CHSY3: variants seen among roughly 807,000 people sequenced by gnomAD.
The protein encoded by CHSY3 is N-acetylgalactosaminyl-proteoglycan 3-beta-glucuronosyltransferase 3.
Under a neutral mutation model 67.2 loss-of-function variants are expected in CHSY3, and 35 were observed. That is an observed-to-expected ratio of 0.52 (90% confidence interval 0.40 to 0.69). The LOEUF (loss-of-function observed/expected upper bound fraction) is 0.69, where lower values mean the gene tolerates loss of function less well. Ranked by LOEUF, CHSY3 falls within the 30% of genes least tolerant of loss-of-function variation. The pLI is 0.00. For missense variants in CHSY3, 1,069 were observed against 1,138.5 expected (o/e 0.94, Z 0.88); for synonymous variants, 474 against 434.7 (o/e 1.09, Z -1.12).
chr5:130,174,366 A>G (rs1769983254), intron 2 of CHSY3, among the ~76,000 whole-genome samples: 1 of 151,992 alleles, frequency 6.6e-6, no homozygotes, highest in Non-Finnish European at 1.5e-5. Context: ...TCTTTACATA[A>G]GTAAATTAAG....
intron 2 of CHSY3, among the ~76,000 whole-genome samples, chr5:130,151,302 A>T (rs535690312): frequency 6.6e-6 from 1 of 152,214 alleles, no homozygotes; most frequent in Non-Finnish European, 1.5e-5. Flanking sequence ...TGAGGCCCAA[A>T]ATGCCACTTT....
At chr5:129,927,852 C>G (rs1761168032) in intron 2 of CHSY3, among the ~76,000 whole-genome samples, 1 of 151,406 alleles carries the variant, frequency 6.6e-6, no homozygotes, top group African/African-American at 2.4e-5. Context: ...TTTTCCATTT[C>G]TCCATATTAG....
chr5:129,989,599 A>T (rs1446466116), intron 2 of CHSY3, among the ~76,000 whole-genome samples: 1 of 152,172 alleles, frequency 6.6e-6, no homozygotes, highest in Non-Finnish European at 1.5e-5. Flanking sequence ...TTCAAAGGAC[A>T]CTTTCAGACC....
At chr5:130,087,397 T>C (rs1209000178) in intron 2 of CHSY3, among the ~76,000 whole-genome samples, 3 of 152,054 alleles carry the variant, frequency 2.0e-5, no homozygotes, top group Non-Finnish European at 4.4e-5. Flanking sequence ...GAAATAAAGG[T>C]ATTCAATTAG....
intron 2 of CHSY3, among the ~76,000 whole-genome samples, chr5:130,035,886 G>GTTTTTTTTTTTTTTT (rs1180462327): frequency 1.7e-4 from 11 of 65,560 alleles, no homozygotes; most frequent in African/African-American, 3.0e-4. Flanking sequence ...TCATTTGGTT[G>GTTTTTTTTTTTTTTT]TTTTTTTTTT....
intron 2 of CHSY3, among the ~76,000 whole-genome samples, chr5:129,991,266 T>G (rs938197104): frequency 1.3e-5 from 2 of 152,058 alleles, no homozygotes; most frequent in African/African-American, 2.4e-5. Flanking sequence ...GAAGATTCTG[T>G]AGTAGTAATC....
intron 2 of CHSY3, among the ~76,000 whole-genome samples, chr5:130,115,407 C>A (rs1015356775): frequency 6.6e-6 from 1 of 152,068 alleles, no homozygotes; most frequent in Admixed American, 6.6e-5. Context: ...TATAGTGTTT[C>A]TCCATCTTGT....
intron 2 of CHSY3, among the ~76,000 whole-genome samples, chr5:130,131,471 A>T (rs192497898): frequency 1.9e-3 from 282 of 152,276 alleles, no homozygotes; most frequent in Non-Finnish European, 3.3e-3. Context: ...ACTTAAACTT[A>T]GCATTATTAC....
At chr5:130,159,261 C>T (rs868810927) in intron 2 of CHSY3, among the ~76,000 whole-genome samples, 1 of 145,136 alleles carries the variant, frequency 6.9e-6, no homozygotes, top group Non-Finnish European at 1.5e-5. Flanking sequence ...CCTCCCAGGG[C>T]TCAGGTGATC....
intron 2 of CHSY3, among the ~76,000 whole-genome samples, chr5:130,120,448 AACAG>A (rs1057299274): frequency 4.0e-5 from 6 of 151,024 alleles, no homozygotes; most frequent in Non-Finnish European, 8.8e-5. Flanking sequence ...CAATCTCTCA[AACAG>A]ACAGAATGAA....
chr5:130,034,980 A>C (rs1460882943), intron 2 of CHSY3, among the ~76,000 whole-genome samples: 2 of 152,106 alleles, frequency 1.3e-5, no homozygotes, highest in Non-Finnish European at 2.9e-5. Flanking sequence ...GGAACAGAGA[A>C]GAAGATAAGG....
At chr5:130,114,038 A>C (rs1156803192) in intron 2 of CHSY3, among the ~76,000 whole-genome samples, 1 of 152,012 alleles carries the variant, frequency 6.6e-6, no homozygotes, top group African/African-American at 2.4e-5. Context: ...TTTTTTCTTC[A>C]TTGTTTCCAT....
At chr5:130,097,004 C>A (rs547908342) in intron 2 of CHSY3, among the ~76,000 whole-genome samples, 1 of 152,334 alleles carries the variant, frequency 6.6e-6, no homozygotes, top group South Asian at 2.1e-4. Flanking sequence ...TGGTGTGCTG[C>A]TTCCAAGTGT....
At chr5:130,115,084 GT>G (rs200845930) in intron 2 of CHSY3, among the ~76,000 whole-genome samples, 9,246 of 146,586 alleles carry the variant, frequency 0.063, 413 homozygotes, top group Non-Finnish European at 0.089. Context: ...TTGTTCAAAG[GT>G]TTTTTTTTTT....
At chr5:130,091,660 A>G (rs1766885037) in intron 2 of CHSY3, among the ~76,000 whole-genome samples, 1 of 152,206 alleles carries the variant, frequency 6.6e-6, no homozygotes, top group Non-Finnish European at 1.5e-5. Context: ...TAATAGGACC[A>G]TCATGTGATA....
At chr5:130,084,252 T>C (rs1766537260) in intron 2 of CHSY3, among the ~76,000 whole-genome samples, 1 of 152,020 alleles carries the variant, frequency 6.6e-6, no homozygotes, top group South Asian at 2.1e-4. Context: ...ATATTGAACT[T>C]TTAAACGGTG....
chr5:130,075,532 T>C (rs952527731), intron 2 of CHSY3, among the ~76,000 whole-genome samples: 2 of 152,180 alleles, frequency 1.3e-5, no homozygotes, highest in African/African-American at 4.8e-5. Flanking sequence ...ATTTTTCAAG[T>C]GGCTGTTACA....
At chr5:129,924,282 C>T (rs1015071733) in intron 2 of CHSY3, among the ~76,000 whole-genome samples, 2 of 152,096 alleles carry the variant, frequency 1.3e-5, no homozygotes, top group African/African-American at 4.8e-5. Context: ...CATATGTTAC[C>T]TCCTCTGCCC....
intron 2 of CHSY3, among the ~76,000 whole-genome samples, chr5:130,018,927 C>T (rs1237546759): frequency 1.3e-5 from 2 of 152,064 alleles, no homozygotes; most frequent in East Asian, 3.9e-4. Context: ...TGCCCTCAGG[C>T]TTGATCCCTC....
Sources: allele counts gnomAD v4.1 joint callset (sites outside exome capture counted in the v4.1 genomes callset), GRCh38; gene constraint gnomAD v4.1.1; transcripts MANE v1.5; gene names NCBI Gene and HGNC (gene_info 2026-07-23, HGNC 2026-07-21).